Variants in DOCK5 observed in about 807,000 individuals in gnomAD.
DOCK5 encodes dedicator of cytokinesis protein 5.
In DOCK5, 142 loss-of-function variants were observed where a neutral mutation model predicts 251.8. The observed-to-expected ratio is 0.56, with a 90% CI of 0.49 to 0.65. The LOEUF (loss-of-function observed/expected upper bound fraction) is 0.65, where lower values mean the gene tolerates loss of function less well. Among genes scored for constraint, DOCK5 ranks in the 30% least tolerant of loss-of-function variants. The probability of loss-of-function intolerance (pLI) is 0.00; values close to 1 mark genes in which losing one functional copy is unlikely to be tolerated. For missense variants in DOCK5, 2,111 were observed against 2,312.3 expected (o/e 0.91, Z 1.79); for synonymous variants, 842 against 835.5 (o/e 1.01, Z -0.13).
At chr8:25,283,872 G>T (rs1326305419) in intron 5 of DOCK5, among the ~76,000 whole-genome samples, 1 of 152,092 alleles carries the variant, frequency 6.6e-6, no homozygotes, top group Non-Finnish European at 1.5e-5. Context: ...TCCCTATACT[G>T]CTGTGCCTCA....
intron 18 of DOCK5, among the ~76,000 whole-genome samples, chr8:25,327,970 A>C (rs1805602102): frequency 6.6e-6 from 1 of 152,126 alleles, no homozygotes; most frequent in South Asian, 2.1e-4. Context: ...GTGTGTCAGA[A>C]CATCATGTTG....
chr8:25,221,108 A>G (rs1769779805), intron 1 of DOCK5, among the ~76,000 whole-genome samples: 1 of 151,540 alleles, frequency 6.6e-6, no homozygotes, highest in Admixed American at 6.6e-5. Context: ...TCTACAGTTC[A>G]TTTTTCAGTC....
chr8:25,365,878 G>A (rs567887964), intron 30 of DOCK5, among the ~76,000 whole-genome samples: 3 of 152,242 alleles, frequency 2.0e-5, no homozygotes, highest in South Asian at 2.1e-4. Flanking sequence ...GTAGAGGAAA[G>A]TATACACACA....
rs1801632921 is a variant in DOCK5, at chr8:25,411,591, GA to G, written c.*294del. The G allele has an allele frequency of 3.6e-6, 1 of 281,342 alleles. No homozygotes were observed. The highest frequency in any genetic ancestry group is 6.6e-6 in the Non-Finnish European group (1 of 152,554). The allele number at this position is 281,342 out of a possible 1,614,324, so 17.4% of individuals were successfully genotyped here. On this transcript the variant is annotated 3_prime_UTR_variant, in exon 52 of 52. Coordinates refer to ENST00000276440, the MANE Select transcript of DOCK5 (RefSeq NM_024940.8). ...TTGTTAAATGTCAGCCTGTACGGCA[GA>G]GACATGGTGGTCTGCACAAGCCTGG...
chr8:25,319,801 A>C (rs1805372158), intron 15 of DOCK5, 125 bp downstream of exon 15: 1 of 601,146 alleles, frequency 1.7e-6, no homozygotes, highest in Non-Finnish European at 2.9e-6. Context: ...TATGGTGTGC[A>C]GTAAGAAATG....
At chr8:25,232,279 G>T (rs750503415) in intron 1 of DOCK5, among the ~76,000 whole-genome samples, 47,825 of 151,824 alleles carry the variant, frequency 0.32, 10,381 homozygotes, top group African/African-American at 0.62. Context: ...AATGCAGAAT[G>T]CAATGCAATG....
chr8:25,349,595 C>A (rs1353377975), intron 26 of DOCK5, among the ~76,000 whole-genome samples: 1 of 152,128 alleles, frequency 6.6e-6, no homozygotes, highest in African/African-American at 2.4e-5. Context: ...TAAAAAGGAA[C>A]AAAATAATGT....
Position 25,345,520 on chromosome 8 carries a change from G to A in DOCK5, c.2663G>A (p.Gly888Asp). ...LLPLLTDQLS[G>D]QLDDNSNKPD... ...CCACTGCTGACAGACCAGCTCAGCG[G>A]CCAGTTAGATGACAACTCCAACAAG... Residue 888 changes from glycine to aspartate, a missense_variant, in exon 26 of 52, where the codon GGC becomes GAC. Physicochemically the swap from Gly to Asp is moderately conservative, Grantham distance 94. This residue lies in a region of DOCK5 where 1,717 missense variants were observed against 1,892.4 expected (regional missense o/e 0.91). Coordinates refer to ENST00000276440, the MANE Select transcript of DOCK5 (RefSeq NM_024940.8). The A allele has an allele frequency of 6.2e-7, 1 of 1,613,890 alleles. No homozygotes were observed. The highest frequency in any genetic ancestry group is 1.1e-5 in the South Asian group (1 of 91,080).
At chr8:25,378,974 TG>T (rs1801015653) in intron 38 of DOCK5, among the ~76,000 whole-genome samples, 1 of 152,158 alleles carries the variant, frequency 6.6e-6, no homozygotes, top group African/African-American at 2.4e-5. Flanking sequence ...AGCAACTTTT[TG>T]TTAAGGATTT....
intron 21 of DOCK5, 141 bp downstream of exon 21, chr8:25,334,337 G>A (rs750777350): frequency 9.4e-5 from 63 of 672,756 alleles, no homozygotes; most frequent in Non-Finnish European, 1.5e-4. Flanking sequence ...TAAGCTTCCG[G>A]GTGGAAAAAG....
chr8:25,233,375 G>A (rs1045990442), intron 1 of DOCK5, among the ~76,000 whole-genome samples: 4 of 152,170 alleles, frequency 2.6e-5, no homozygotes, highest in Admixed American at 2.6e-4. Context: ...ATTGATATAT[G>A]TATTTTTTAG....
chr8:25,211,066 T>TG (rs1196714122), intron 1 of DOCK5, among the ~76,000 whole-genome samples: 2 of 71,192 alleles, frequency 2.8e-5, no homozygotes, highest in African/African-American at 6.4e-5. Context: ...GCTGCTTTAA[T>TG]AAGACAGTGG....
intron 46 of DOCK5, 41 bp from the exon 47 acceptor site, chr8:25,400,888 T>G: frequency 6.2e-7 from 1 of 1,611,050 alleles, no homozygotes; most frequent in South Asian, 1.1e-5. Flanking sequence ...CGATCCCTCT[T>G]CCTGAAGCAC....
intron 1 of DOCK5, among the ~76,000 whole-genome samples, chr8:25,204,938 C>G (rs769419920): frequency 6.6e-5 from 10 of 152,054 alleles, no homozygotes; most frequent in Non-Finnish European, 1.0e-4. Flanking sequence ...GCCTCAGCCC[C>G]TAGTGTGATG....
rs561913351 is a variant in DOCK5 at position 25,264,032 on chromosome 8, A to AC, written c.128-4808dup. ...TGCCTTTACTCCCCCATTCATGGCCACCCCCAGCAAAATCATGAGCAACTC... is the reference window on the plus strand; with the variant it reads ...TGCCTTTACTCCCCCATTCATGGCCACCCCCCAGCAAAATCATGAGCAACTC... On this transcript the variant is annotated intron_variant, in intron 2 of 51. Coordinates refer to ENST00000276440, the MANE Select transcript of DOCK5 (RefSeq NM_024940.8). Among the ~76,000 whole-genome samples the AC allele has an allele frequency of 8.3e-3, 1,258 of 151,732 alleles. 14 individuals are homozygous for AC. Among genetic ancestry groups the AC allele is most frequent in the Non-Finnish European group, 0.012 (809 of 67,966 alleles).
chr8:25,234,596 G>A (rs1362824132), intron 1 of DOCK5, among the ~76,000 whole-genome samples: 2 of 152,184 alleles, frequency 1.3e-5, no homozygotes, highest in African/African-American at 4.8e-5. Flanking sequence ...ACATTAGCAT[G>A]TGTACCTTTG....
At chr8:25,389,318 C>A (rs1260005692) in intron 41 of DOCK5, 86 bp downstream of exon 41, 3 of 1,489,504 alleles carry the variant, frequency 2.0e-6, no homozygotes, top group Non-Finnish European at 2.7e-6. Context: ...GAGCTACAGT[C>A]CCTTCTCTGC....
intron 18 of DOCK5, among the ~76,000 whole-genome samples, chr8:25,327,854 TTGAAAATTGGTAA>T (rs1211730636): frequency 6.6e-6 from 1 of 152,162 alleles, no homozygotes; most frequent in Non-Finnish European, 1.5e-5. Context: ...TAGTGTATAC[TTGAAAATTGGTAA>T]GAGAGTAGAT....
At chr8:25,248,287 C>T (rs571069432) in intron 2 of DOCK5, among the ~76,000 whole-genome samples, 2 of 152,278 alleles carry the variant, frequency 1.3e-5, no homozygotes, top group Non-Finnish European at 1.5e-5. Flanking sequence ...TAAGGCAGCT[C>T]GAGGCAAGGG....
Sources: gnomAD v4.1 joint callset for allele counts (sites outside exome capture counted in the v4.1 genomes callset) on GRCh38, gnomAD v4.1.1 for gene constraint, gnomAD v4.1.1 regional missense constraint, MANE v1.5 for transcripts, NCBI Gene and HGNC (gene_info 2026-07-23, HGNC 2026-07-21) for gene names.